IQCM: variants seen among roughly 807,000 people sequenced by gnomAD.
IQCM encodes the protein IQ domain-containing protein M.
IQCM carries 45 observed loss-of-function variants against 57.6 expected under a neutral mutation model. The observed-to-expected ratio is 0.78, with a 90% CI of 0.62 to 1.00. IQCM has a LOEUF of 1.00. IQCM is among the 50% of genes least tolerant of loss of function. IQCM has a pLI of 0.00. For synonymous variants in IQCM, 148 were observed against 158.9 expected (o/e 0.93, Z 0.51); for missense variants, 468 against 511.6 (o/e 0.91, Z 0.82).
chr4:149,672,328 C>T (rs147805159), intron 7 of IQCM, among the ~76,000 whole-genome samples: 21 of 152,194 alleles, frequency 1.4e-4, no homozygotes, highest in African/African-American at 4.8e-4. Context: ...CAAACTTCTC[C>T]AAGCTAAAGG....
chr4:149,402,688 C>T (rs2111136333), intron 13 of IQCM, among the ~76,000 whole-genome samples: 1 of 151,944 alleles, frequency 6.6e-6, no homozygotes. Context: ...CAATGCTTTA[C>T]TAAACAAATG....
At chr4:149,465,296 A>C (rs768343643) in intron 12 of IQCM, among the ~76,000 whole-genome samples, 1 of 152,182 alleles carries the variant, frequency 6.6e-6, no homozygotes, top group Non-Finnish European at 1.5e-5. Context: ...TATATAAATA[A>C]TACAGAAATT....
At chr4:149,789,931 G>C in intron 2 of IQCM, 1 of 219,318 alleles carries the variant, frequency 4.6e-6, no homozygotes, top group East Asian at 1.1e-4. Context: ...AAAAGGCAAA[G>C]ACTTTTGCCT....
At chr4:149,521,618 AGCTTTCTCC>A (rs1560946038) in intron 12 of IQCM, among the ~76,000 whole-genome samples, 1 of 152,248 alleles carries the variant, frequency 6.6e-6, no homozygotes, top group Non-Finnish European at 1.5e-5. Context: ...AATTTGACCA[AGCTTTCTCC>A]AAAGCATAAG....
rs563700017 is a variant in IQCM, at chr4:149,736,304, C to T, written c.38-846G>A. Reference sequence around the variant, plus strand: ...TGTATACAATTCTACAGCATGTAGACTACATCATTCTCATTCAGCCTTGTC... The same window carrying T: ...TGTATACAATTCTACAGCATGTAGATTACATCATTCTCATTCAGCCTTGTC... On this transcript the variant is annotated intron_variant, in intron 3 of 13. Coordinates refer to ENST00000636793, the MANE Select transcript of IQCM (RefSeq NM_001363507.2). Among the ~76,000 whole-genome samples the T allele has an allele frequency of 3.3e-5, 5 of 152,272 alleles. No individual in the cohort carries two copies. The South Asian group carries it at 1.0e-3, about 32-fold the overall frequency.
At chr4:149,709,223 T>C (rs1764379336) in intron 5 of IQCM, among the ~76,000 whole-genome samples, 1 of 152,060 alleles carries the variant, frequency 6.6e-6, no homozygotes, top group Admixed American at 6.6e-5. Flanking sequence ...AACATTAGCT[T>C]TCAGATAAAC....
chr4:149,679,769 G>A (rs912169771), intron 7 of IQCM, among the ~76,000 whole-genome samples: 1 of 151,344 alleles, frequency 6.6e-6, no homozygotes, highest in Non-Finnish European at 1.5e-5. Context: ...TTGTTAAATA[G>A]ACCTCAATGA....
chr4:149,687,225 G>A (rs998600229), intron 5 of IQCM, among the ~76,000 whole-genome samples: 2 of 151,484 alleles, frequency 1.3e-5, no homozygotes, highest in African/African-American at 4.8e-5. Flanking sequence ...AAAAAGAAGA[G>A]CGTATTAGAC....
intron 5 of IQCM, among the ~76,000 whole-genome samples, chr4:149,720,515 G>A (rs888592587): frequency 1.3e-5 from 2 of 151,986 alleles, no homozygotes; most frequent in Non-Finnish European, 2.9e-5. Flanking sequence ...TTTCTATTTC[G>A]GAGCTTACCA....
At chr4:149,559,203 G>T (rs1193181129) in intron 10 of IQCM, among the ~76,000 whole-genome samples, 3 of 151,968 alleles carry the variant, frequency 2.0e-5, no homozygotes, top group Admixed American at 2.0e-4. Context: ...CCTCCATTTT[G>T]TCACCCTCTC....
At chr4:149,362,243 T>C (rs1393234197) in intron 13 of IQCM, among the ~76,000 whole-genome samples, 1 of 152,106 alleles carries the variant, frequency 6.6e-6, no homozygotes, top group African/African-American at 2.4e-5. Context: ...TTATCTCAGA[T>C]GAGACTTTGG....
intron 13 of IQCM, among the ~76,000 whole-genome samples, chr4:149,408,357 G>A (rs945762267): frequency 3.3e-5 from 5 of 152,138 alleles, no homozygotes; most frequent in Non-Finnish European, 4.4e-5. Context: ...ATATTGATAA[G>A]AGGCATAAGA....
intron 9 of IQCM, among the ~76,000 whole-genome samples, chr4:149,564,768 C>T (rs1417160228): frequency 6.6e-6 from 1 of 151,896 alleles, no homozygotes; most frequent in East Asian, 1.9e-4. Flanking sequence ...GACGGCCTAT[C>T]GTGGGACCTC....
In IQCM at chr4:149,690,514, T is replaced by C. The variant is rs575409574; in HGVS notation, c.386-4046A>G. Among the ~76,000 whole-genome samples the C allele has an allele frequency of 5.3e-4, 81 of 152,106 alleles. 1 individual carries two copies. The South Asian group carries it at 0.015, about 28-fold the overall frequency. On this transcript the variant is annotated intron_variant, in intron 5 of 13. Coordinates refer to ENST00000636793, the MANE Select transcript of IQCM (RefSeq NM_001363507.2). ...ATGGGTGCACCAAAATCTCACAAATTACCACTAAAGAACTTAACTTGTAGC... is the reference window on the plus strand; with the variant it reads ...ATGGGTGCACCAAAATCTCACAAATCACCACTAAAGAACTTAACTTGTAGC...
At chr4:149,704,003 A>G (rs1763966481) in intron 5 of IQCM, among the ~76,000 whole-genome samples, 1 of 151,898 alleles carries the variant, frequency 6.6e-6, no homozygotes, top group Non-Finnish European at 1.5e-5. Context: ...TCTTTGTGAA[A>G]AGTGTGAAAA....
chr4:149,431,042 A>C (rs2111259729), intron 13 of IQCM, among the ~76,000 whole-genome samples: 1 of 151,942 alleles, frequency 6.6e-6, no homozygotes, highest in South Asian at 2.1e-4. Context: ...ATCTACTAAA[A>C]AAAATTACAA....
intron 13 of IQCM, among the ~76,000 whole-genome samples, chr4:149,410,986 A>C (rs556520256): frequency 3.3e-5 from 5 of 152,276 alleles, no homozygotes; most frequent in African/African-American, 1.2e-4. Flanking sequence ...AAGAAAAAGA[A>C]ATAAAATTAA....
intron 13 of IQCM, among the ~76,000 whole-genome samples, chr4:149,415,173 G>A (rs1172774141): frequency 6.6e-6 from 1 of 152,134 alleles, no homozygotes; most frequent in Non-Finnish European, 1.5e-5. Context: ...TGCATGTAGA[G>A]AAGGATAGCC....
chr4:149,623,103 C>T (rs1756490388), intron 7 of IQCM, among the ~76,000 whole-genome samples: 1 of 152,028 alleles, frequency 6.6e-6, no homozygotes, highest in Admixed American at 6.6e-5. Flanking sequence ...GATCACTATA[C>T]ATTATATGTA....
Sources: allele counts gnomAD v4.1 joint callset (sites outside exome capture counted in the v4.1 genomes callset), GRCh38; gene constraint gnomAD v4.1.1; transcripts MANE v1.5; gene names NCBI Gene and HGNC (gene_info 2026-07-23, HGNC 2026-07-21).